Variants in PWP1 observed in about 807,000 individuals in gnomAD.
The protein encoded by PWP1 is PWP1 homolog, endonuclein.
In PWP1, 47 loss-of-function variants were observed where a neutral mutation model predicts 69.9. The observed-to-expected ratio is 0.67, with a 90% CI of 0.53 to 0.86. The LOEUF (loss-of-function observed/expected upper bound fraction) is 0.86. Among genes scored for constraint, PWP1 ranks in the 40% least tolerant of loss-of-function variants. The probability of loss-of-function intolerance (pLI) is 0.00; values close to 1 mark genes in which losing one functional copy is unlikely to be tolerated. For missense variants in PWP1, 551 were observed against 608.8 expected, an observed-to-expected ratio of 0.91 and a Z score of 1.00; for synonymous variants, 222 against 208.2, an observed-to-expected ratio of 1.07 and a Z score of -0.57.
intron 10 of PWP1, among the ~76,000 whole-genome samples, 153 bp downstream of exon 10, chr12:107,703,899 C>T (rs919065818): frequency 3.3e-5 from 5 of 152,304 alleles, no homozygotes; most frequent in Admixed American, 2.0e-4. Flanking sequence ...TAACTCTGGT[C>T]CTTTCAGTCT....
intron 11 of PWP1, among the ~76,000 whole-genome samples, chr12:107,705,329 T>G (rs1206167571): frequency 5.3e-5 from 8 of 152,114 alleles, no homozygotes; most frequent in Non-Finnish European, 1.2e-4. Flanking sequence ...GTTGCCCAGT[T>G]TTCCTGAAGT....
chr12:107,703,845 G>A, intron 10 of PWP1, 99 bp downstream of exon 10: 2 of 1,106,502 alleles, frequency 1.8e-6, no homozygotes, highest in Non-Finnish European at 2.7e-6. Flanking sequence ...TATCCTTGAG[G>A]CCACCTTTAT....
chr12:107,693,233 G>A (rs1593142645), intron 5 of PWP1, 137 bp downstream of exon 5: 1 of 1,299,180 alleles, frequency 7.7e-7, no homozygotes, highest in South Asian at 1.8e-5. Context: ...TTTTACACAG[G>A]TGGCCAATTT....
intron 8 of PWP1, among the ~76,000 whole-genome samples, chr12:107,700,515 C>A (rs1273794880): frequency 6.6e-6 from 1 of 152,118 alleles, no homozygotes; most frequent in South Asian, 2.1e-4. Flanking sequence ...GAGTTTCTTC[C>A]TTTTTAAGGC....
At chr12:107,697,192 T>G (rs1191122761) in intron 6 of PWP1, among the ~76,000 whole-genome samples, 1 of 152,176 alleles carries the variant, frequency 6.6e-6, no homozygotes, top group Non-Finnish European at 1.5e-5. Context: ...ATGAAAACAC[T>G]GGGGCCAAGA....
At chr12:107,711,231 C>CTATTGTTTGTGG (rs1889946570) in intron 14 of PWP1, among the ~76,000 whole-genome samples, 1 of 152,326 alleles carries the variant, frequency 6.6e-6, no homozygotes, top group African/African-American at 2.4e-5. Flanking sequence ...ATCGCTCATG[C>CTATTGTTTGTGG]TATTGTTTGT....
At chr12:107,703,772 GCTACT>G in intron 10 of PWP1, 26 bp downstream of exon 10, 1 of 1,564,046 alleles carries the variant, frequency 6.4e-7, no homozygotes, top group Non-Finnish European at 8.8e-7. Flanking sequence ...AAGAATGATT[GCTACT>G]CTGTTTTTAT....
chr12:107,697,952 TATC>T (rs1889625098), intron 7 of PWP1: 7 of 364,260 alleles, frequency 1.9e-5, no homozygotes, highest in South Asian at 6.4e-5. Flanking sequence ...AAATTTCTGT[TATC>T]ATGTTGAATT....
At chr12:107,697,800 ATGT>A (rs780798259) in intron 7 of PWP1, 6 of 613,792 alleles carry the variant, frequency 9.8e-6, no homozygotes, top group Non-Finnish European at 1.5e-5. Context: ...CTCCATTATC[ATGT>A]TGTTCTTTCT....
At chr12:107,702,261 T>G (rs1051722804) in intron 8 of PWP1, among the ~76,000 whole-genome samples, 8 of 151,840 alleles carry the variant, frequency 5.3e-5, no homozygotes, top group African/African-American at 1.7e-4. Context: ...TTAAGTCTAA[T>G]ACTAATAATA....
intron 1 of PWP1, among the ~76,000 whole-genome samples, chr12:107,686,440 A>T (rs1038491087): frequency 6.6e-6 from 1 of 152,144 alleles, no homozygotes; most frequent in African/African-American, 2.4e-5. Context: ...TGTGGAGGCT[A>T]AGATGTCGTG....
chr12:107,704,578 A>G (rs1009061189), intron 10 of PWP1, 58 bp from the exon 11 acceptor site: 4 of 1,169,234 alleles, frequency 3.4e-6, no homozygotes, highest in Admixed American at 2.0e-5. Flanking sequence ...TTCATTATAA[A>G]TAAAACATAT....
At chr12:107,694,769 G>A (rs1225200567) in intron 5 of PWP1, among the ~76,000 whole-genome samples, 1 of 152,072 alleles carries the variant, frequency 6.6e-6, no homozygotes, top group African/African-American at 2.4e-5. Context: ...GATCAAAGAG[G>A]AGCTGAGAAA....
rs1889416979 is a variant in PWP1, at chr12:107,688,456, G to T, written c.81G>T (p.Leu27=). The change falls in exon 2 of 15, where the codon CTG becomes CTT. Residue 27 remains leucine (L), a synonymous_variant. Transcript: ENST00000412830. ...TCTTTGCTCTCTTACAGGTAGAGCT[G>T]AGTAAAGAAGAAGTAAAACGCCTCA... The part of the protein sequence containing the change: ...VAKETPDKVE[L]SKEEVKRLIA... 6.2e-7 allele frequency: 1 copy of T among 1,613,760 alleles called. No homozygotes were observed. Among genetic ancestry groups the T allele is most frequent in the Non-Finnish European group, 8.5e-7 (1 of 1,179,942 alleles).
chr12:107,686,540 T>C (rs1889369075), intron 1 of PWP1, among the ~76,000 whole-genome samples: 1 of 152,164 alleles, frequency 6.6e-6, no homozygotes, highest in South Asian at 2.1e-4. Flanking sequence ...GTCTAACACA[T>C]GAAAAACCTA....
intron 7 of PWP1, chr12:107,697,950 G>T (rs776569396): frequency 2.2e-5 from 8 of 362,178 alleles, no homozygotes; most frequent in Non-Finnish European, 3.7e-5. Context: ...AAAAATTTCT[G>T]TTATCATGTT....
intron 14 of PWP1, among the ~76,000 whole-genome samples, chr12:107,710,858 AAT>A (rs1340927325): frequency 6.6e-6 from 1 of 152,244 alleles, no homozygotes; most frequent in African/African-American, 2.4e-5. Context: ...TGTAATTGGT[AAT>A]GTTTGTTCAT....
intron 14 of PWP1, 140 bp downstream of exon 14, chr12:107,710,650 A>G: frequency 3.7e-6 from 5 of 1,346,584 alleles, no homozygotes; most frequent in Non-Finnish European, 4.9e-6. Flanking sequence ...AGCCTTCTGT[A>G]TAGCTGGGAT....
intron 14 of PWP1, among the ~76,000 whole-genome samples, chr12:107,711,593 G>A (rs1302682029): frequency 6.6e-6 from 1 of 152,096 alleles, no homozygotes; most frequent in East Asian, 1.9e-4. Flanking sequence ...CTCCCTTCAG[G>A]GGATCCTGGC....
Sources: gnomAD v4.1 joint callset for allele counts (sites outside exome capture counted in the v4.1 genomes callset) on GRCh38, gnomAD v4.1.1 for gene constraint, MANE v1.5 for transcripts, NCBI Gene and HGNC (gene_info 2026-07-23, HGNC 2026-07-21) for gene names.